The following ARHGEF3 variants were observed in gnomAD, a reference collection of about 807,000 sequenced individuals.
The protein encoded by ARHGEF3 is Rho guanine nucleotide exchange factor 3.
ARHGEF3 carries 28 observed loss-of-function variants against 63.2 expected under a neutral mutation model. The observed-to-expected ratio is 0.44, with a 90% CI of 0.33 to 0.61. The LOEUF is 0.61. Ranked by LOEUF, ARHGEF3 falls within the 20% of genes least tolerant of loss-of-function variation. The pLI, the probability that ARHGEF3 is intolerant of heterozygous loss-of-function variation, is 0.03. For missense variants in ARHGEF3, 533 were observed against 659.3 expected (o/e 0.81, Z 2.10); for synonymous variants, 266 against 254.2 (o/e 1.05, Z -0.44).
At chr3:56,750,670 GTTTTTT>G (rs79472923) in intron 6 of ARHGEF3, among the ~76,000 whole-genome samples, 1 of 109,916 alleles carries the variant, frequency 9.1e-6, no homozygotes. Flanking sequence ...AGCATGACAA[GTTTTTT>G]TTTTTTTTTT....
chr3:56,979,655 C>T (rs968450446), intron 2 of ARHGEF3, among the ~76,000 whole-genome samples: 5 of 152,242 alleles, frequency 3.3e-5, no homozygotes, highest in African/African-American at 1.2e-4. Context: ...CCTAGATCGC[C>T]TCTCAGCCCA....
chr3:57,044,327 G>T (rs1226154867), intron 1 of ARHGEF3, among the ~76,000 whole-genome samples: 3 of 152,216 alleles, frequency 2.0e-5, no homozygotes, highest in Admixed American at 6.5e-5. Flanking sequence ...ACTTGGGGGG[G>T]TTGGCCATTC....
intron 1 of ARHGEF3, among the ~76,000 whole-genome samples, chr3:57,055,112 G>C (rs756017338): frequency 2.6e-5 from 4 of 151,046 alleles, no homozygotes; most frequent in South Asian, 2.1e-4. Flanking sequence ...GTCTCTTGAA[G>C]AAGAGTTCTT....
intron 4 of ARHGEF3, among the ~76,000 whole-genome samples, chr3:56,830,815 A>T (rs576276539): frequency 6.6e-6 from 1 of 152,182 alleles, no homozygotes; most frequent in East Asian, 1.9e-4. Context: ...TCTCTGCAGG[A>T]TTGGCTCCTT....
At chr3:56,926,533 C>T (rs1474548053) in intron 3 of ARHGEF3, among the ~76,000 whole-genome samples, 1 of 152,202 alleles carries the variant, frequency 6.6e-6, no homozygotes, top group Non-Finnish European at 1.5e-5. Flanking sequence ...ATTGTAATAA[C>T]AAGAAGTTCC....
At chr3:56,968,179 A>AT (rs368466462) in intron 2 of ARHGEF3, among the ~76,000 whole-genome samples, 3,664 of 24,044 alleles carry the variant, frequency 0.15, 286 homozygotes, top group East Asian at 0.27. Flanking sequence ...AATATATATA[A>AT]AAATATATAT....
chr3:56,731,182 T>G (rs1355244974), intron 9 of ARHGEF3, among the ~76,000 whole-genome samples: 1 of 152,180 alleles, frequency 6.6e-6, no homozygotes, highest in Non-Finnish European at 1.5e-5. Context: ...GTATGATGCC[T>G]ATGTTAACCC....
At chr3:56,741,496 CTTTTTTT>C (rs71072191) in intron 7 of ARHGEF3, among the ~76,000 whole-genome samples, 4 of 50,536 alleles carry the variant, frequency 7.9e-5, no homozygotes, top group African/African-American at 3.3e-4. Flanking sequence ...TACATTGGTT[CTTTTTTT>C]TTTTTTTTTT....
intron 2 of ARHGEF3, among the ~76,000 whole-genome samples, chr3:56,978,122 T>A (rs1315232760): frequency 3.9e-5 from 6 of 152,152 alleles, no homozygotes; most frequent in African/African-American, 1.4e-4. Flanking sequence ...CTAGGCTACA[T>A]GGCTTCTCTG....
intron 2 of ARHGEF3, among the ~76,000 whole-genome samples, chr3:57,018,278 C>CAAA (rs57400379): frequency 8.1e-5 from 9 of 111,620 alleles, no homozygotes; most frequent in Admixed American, 3.1e-4. Flanking sequence ...GGCTCTGTCA[C>CAAA]AAAAAAAAAA....
intron 3 of ARHGEF3, among the ~76,000 whole-genome samples, chr3:56,957,876 C>T (rs1700112278): frequency 6.6e-6 from 1 of 152,100 alleles, no homozygotes; most frequent in Non-Finnish European, 1.5e-5. Context: ...GAGATTAGCG[C>T]TAGAATTCAC....
intron 2 of ARHGEF3, among the ~76,000 whole-genome samples, chr3:56,997,763 T>G (rs1286697616): frequency 6.6e-6 from 1 of 152,142 alleles, no homozygotes; most frequent in East Asian, 1.9e-4. Flanking sequence ...CACCCCTTAC[T>G]TCACTGCCCT....
chr3:57,023,788 G>A (rs991003812), intron 2 of ARHGEF3, among the ~76,000 whole-genome samples: 3 of 152,168 alleles, frequency 2.0e-5, no homozygotes, highest in Non-Finnish European at 2.9e-5. Flanking sequence ...CTTCCCACGG[G>A]GAATGTTAGG....
intron 1 of ARHGEF3, among the ~76,000 whole-genome samples, chr3:57,056,861 C>A (rs996565876): frequency 2.6e-5 from 4 of 151,906 alleles, no homozygotes; most frequent in Non-Finnish European, 5.9e-5. Context: ...ACCCTGAAAT[C>A]CTTCTATCCC....
intron 6 of ARHGEF3, among the ~76,000 whole-genome samples, chr3:56,747,772 T>C (rs978750962): frequency 6.6e-6 from 1 of 152,088 alleles, no homozygotes; most frequent in Non-Finnish European, 1.5e-5. Flanking sequence ...TGCAATGAAC[T>C]GAGATCACAT....
chr3:56,731,404 C>G (rs1165796997), intron 9 of ARHGEF3, among the ~76,000 whole-genome samples: 1 of 151,746 alleles, frequency 6.6e-6, no homozygotes. Context: ...GGTGGCCAGC[C>G]CCTGTACTCC....
chr3:57,056,445 C>T (rs575964469), intron 1 of ARHGEF3, among the ~76,000 whole-genome samples: 1 of 150,818 alleles, frequency 6.6e-6, no homozygotes, highest in African/African-American at 2.4e-5. Flanking sequence ...CATGGGGAGC[C>T]TCCCTGCAAT....
chr3:56,854,773 G>A (rs557709909), intron 4 of ARHGEF3, among the ~76,000 whole-genome samples: 3 of 140,496 alleles, frequency 2.1e-5, no homozygotes, highest in Non-Finnish European at 4.7e-5. Flanking sequence ...CTAGAGGGGT[G>A]GGGGGGTTGG....
intron 2 of ARHGEF3, among the ~76,000 whole-genome samples, chr3:56,974,146 AT>A (rs1317629079): frequency 6.6e-6 from 1 of 152,172 alleles, no homozygotes; most frequent in African/African-American, 2.4e-5. Context: ...TTAACATTTT[AT>A]CCCCACCCTC....
Sources: allele counts gnomAD v4.1 joint callset (sites outside exome capture counted in the v4.1 genomes callset), GRCh38; gene constraint gnomAD v4.1.1; transcripts MANE v1.5; gene names NCBI Gene and HGNC (gene_info 2026-07-23, HGNC 2026-07-21).